Variants in MAX observed in about 807,000 individuals in gnomAD.
MAX encodes protein max.
Under a neutral mutation model 22.3 loss-of-function variants are expected in MAX, and 3 were observed. That is an observed-to-expected ratio of 0.13 (90% CI 0.06 to 0.35). The LOEUF is 0.35. Among genes scored for constraint, MAX ranks in the 10% least tolerant of loss-of-function variants. MAX has a pLI of 1.00. For missense variants in MAX, 119 were observed against 209.4 expected (o/e 0.57, Z 2.66); for synonymous variants, 72 against 77.7 (o/e 0.93, Z 0.39).
intron 3 of MAX, among the ~76,000 whole-genome samples, chr14:65,037,147 G>A (rs907544900): frequency 6.7e-6 from 1 of 149,440 alleles, no homozygotes; most frequent in Non-Finnish European, 1.5e-5. Flanking sequence ...GTTGTTACCC[G>A]GGCTGGAGTG....
In MAX at chr14:65,027,272, A is replaced by T; in HGVS notation, c.172-20988T>A. On this transcript the variant is annotated intron_variant, in intron 3 of 3. Transcript: ENST00000341653. The surrounding 1 kb of genome is among the most constrained non-coding windows in gnomAD (Gnocchi z 5.7). The stretch of plus-strand genomic sequence containing the variant: ...CAGAGGAGGGCAGACAGAAATGATG[A>T]TAGCTGGAGAGAGAATTAAGCCCTT... 5.5e-6 allele frequency: 5 copies of T among 916,102 alleles called. No homozygotes were observed. The highest frequency in any genetic ancestry group is 8.1e-6 in the Non-Finnish European group (5 of 620,426). The allele number at this position is 916,102 out of a possible 1,614,324, so 56.7% of individuals were successfully genotyped here.
At position 65,077,702 on chromosome 14, in the gene MAX, A is replaced by G. The variant is rs1408103429; in HGVS notation, c.295+211T>C. On this transcript the variant is annotated intron_variant, in intron 4 of 4. Transcript: ENST00000358664. This position sits in a 1 kb window ranked among gnomAD's most constrained non-coding sequence, Gnocchi z 6.3. ...AAAGATACAAGTCTCCAGATGTCCAACTTCCTAGCTTCCACTGTCTCCTCA... is the reference window on the plus strand; with the variant it reads ...AAAGATACAAGTCTCCAGATGTCCAGCTTCCTAGCTTCCACTGTCTCCTCA... The G allele has an allele frequency of 7.7e-6, 12 of 1,566,150 alleles. No homozygotes were observed. The highest frequency in any genetic ancestry group is 1.2e-5 in the South Asian group (1 of 86,898).
chr14:65,046,795 G>A (rs575762975), intron 3 of MAX, among the ~76,000 whole-genome samples: 34 of 152,254 alleles, frequency 2.2e-4, no homozygotes, highest in Admixed American at 3.3e-4. Context: ...TTAGTGAAGA[G>A]TTGACTACAA....
intron 3 of MAX, among the ~76,000 whole-genome samples, chr14:65,016,195 G>A (rs1022045405): frequency 6.6e-6 from 1 of 152,178 alleles, no homozygotes; most frequent in Admixed American, 6.5e-5. Context: ...TGTTACTGGT[G>A]TGGCATACAA....
upstream of MAX, chr14:65,102,627 G>GC: frequency 1.7e-6 from 2 of 1,208,884 alleles, no homozygotes; most frequent in Non-Finnish European, 1.0e-6. Flanking sequence ...CTAACAGACG[G>GC]CCCGGGTAGC....
chr14:65,090,991 T>A (rs913526283), intron 3 of MAX, among the ~76,000 whole-genome samples: 1 of 152,162 alleles, frequency 6.6e-6, no homozygotes. Context: ...ATATGACAGA[T>A]AATCCAAATG....
chr14:65,040,629 A>G (rs1387585073), intron 3 of MAX, among the ~76,000 whole-genome samples: 1 of 147,998 alleles, frequency 6.8e-6, no homozygotes, highest in Non-Finnish European at 1.5e-5. Context: ...TTTTTTGAAA[A>G]GACATTTCCA....
At chr14:65,065,378 A>G (rs1014858254) in intron 3 of MAX, among the ~76,000 whole-genome samples, 1 of 152,190 alleles carries the variant, frequency 6.6e-6, no homozygotes, top group African/African-American at 2.4e-5. Flanking sequence ...AACCTAATAC[A>G]GTCATGTCAC....
Position 65,075,389 on chromosome 14 carries a change from A to G in MAX, c.*1087T>C, listed in dbSNP as rs2063031738. ...GCCAGAACCAGGGCTGGATCACACAATGGAGACAGGTTCCAGGACAGTAGG... is the reference window on the plus strand; with the variant it reads ...GCCAGAACCAGGGCTGGATCACACAGTGGAGACAGGTTCCAGGACAGTAGG... On this transcript the variant is annotated 3_prime_UTR_variant, in exon 5 of 5. Coordinates refer to ENST00000358664, the MANE Select transcript of MAX (RefSeq NM_002382.5). The surrounding 1 kb of genome is among the most constrained non-coding windows in gnomAD (Gnocchi z 4.1). 9.4e-7 allele frequency: 1 copy of G among 1,061,588 alleles called. No individual in the cohort carries two copies. 65.8% of individuals were successfully genotyped at this position (1,061,588 alleles called of 1,614,324 possible).
At chr14:65,101,609 G>T (rs1339218980) in intron 1 of MAX, 37 bp from the exon 2 acceptor site, 7 of 1,491,716 alleles carry the variant, frequency 4.7e-6, no homozygotes, top group South Asian at 1.2e-5. Flanking sequence ...AGAAAATATA[G>T]AAGTTATTTT....
intron 3 of MAX, among the ~76,000 whole-genome samples, chr14:65,025,513 G>A (rs1256362559): frequency 6.6e-6 from 1 of 152,134 alleles, no homozygotes; most frequent in Non-Finnish European, 1.5e-5. Context: ...GAAATTAATT[G>A]CTGTTAAAAA....
In MAX at chr14:65,027,863, T is replaced by C. The variant is rs1320788205; in HGVS notation, c.172-21579A>G. ...TTAGAGATGCCAAGCCTAAGGAACA[T>C]CATGGGGAAGCTGCTGCTTTGTCCC... On this transcript the variant is annotated intron_variant, in intron 3 of 3. Transcript: ENST00000341653. This position sits in a 1 kb window ranked among gnomAD's most constrained non-coding sequence, Gnocchi z 5.7. 6 of 1,571,574 alleles carry C rather than the reference T, an allele frequency of 3.8e-6. No individual in the cohort carries two copies. Among genetic ancestry groups the C allele is most frequent in the Admixed American group, 3.5e-5 (2 of 56,346 alleles).
rs2063287879 is a variant in MAX, at chr14:65,084,884, T to C, written c.172-6848A>G. ...ATCAATAAATCCATGGATTGAACAA[T>C]AGCAGCTTTTGGGGAGAAAAAAAGG... On this transcript the variant is annotated intron_variant, in intron 3 of 4. Transcript: ENST00000358664. This position sits in a 1 kb window ranked among gnomAD's most constrained non-coding sequence, Gnocchi z 4.3. Among the ~76,000 whole-genome samples the C allele has an allele frequency of 6.6e-6, 1 of 152,174 alleles. No individual in the cohort carries two copies. Among genetic ancestry groups the C allele is most frequent in the South Asian group, 2.1e-4 (1 of 4,834 alleles).
rs565990028 is a variant in MAX, at chr14:65,032,480, G to A, written c.172-26196C>T. ...AGTTGGAGACCCAGGAGGACTGACC[G>A]TGTGCCAAGAGTGAGGACAGGAGGT... On this transcript the variant is annotated intron_variant, in intron 3 of 3. Coordinates refer to the MAX transcript ENST00000341653. This position sits in a 1 kb window ranked among gnomAD's most constrained non-coding sequence, Gnocchi z 5.0. 1.0e-5 allele frequency: 9 copies of A among 877,636 alleles called. No individual in the cohort carries two copies. Among genetic ancestry groups the A allele is most frequent in the South Asian group, 3.9e-5 (2 of 51,628 alleles). 54.4% of individuals were successfully genotyped at this position (877,636 alleles called of 1,614,324 possible).
intron 3 of MAX, among the ~76,000 whole-genome samples, chr14:65,008,459 C>G (rs915041680): frequency 6.6e-6 from 1 of 152,316 alleles, no homozygotes; most frequent in Non-Finnish European, 1.5e-5. Context: ...GGCTCTTGGT[C>G]TAGTGGGGGA....
At chr14:65,026,872 A>AC (rs1555334586) in intron 3 of MAX, among the ~76,000 whole-genome samples, 2 of 152,018 alleles carry the variant, frequency 1.3e-5, no homozygotes, top group African/African-American at 4.8e-5. Context: ...AAAAAAAAAA[A>AC]CAAAAAAACA....
In MAX at chr14:65,027,447, A is replaced by G; in HGVS notation, c.172-21163T>C. 1.9e-6 allele frequency: 3 copies of G among 1,614,062 alleles called. No homozygotes were observed. The highest frequency in any genetic ancestry group is 2.5e-6 in the Non-Finnish European group (3 of 1,179,984). ...CTTTGTTTTTGCCCTTTGGCTGTGT[A>G]CCTAGTGTGTGTCAGTTCCTGGAGC... On this transcript the variant is annotated intron_variant, in intron 3 of 3. Coordinates refer to the MAX transcript ENST00000341653. The surrounding 1 kb of genome is among the most constrained non-coding windows in gnomAD (Gnocchi z 5.7).
intron 3 of MAX, among the ~76,000 whole-genome samples, chr14:65,035,112 A>T (rs932555511): frequency 2.6e-5 from 4 of 152,162 alleles, no homozygotes; most frequent in Admixed American, 2.0e-4. Flanking sequence ...CTGTTTCTGG[A>T]TTCGTCCTCA....
At chr14:65,070,840 C>T (rs2062980604), downstream of MAX, among the ~76,000 whole-genome samples, 1 of 152,224 alleles carries the variant, frequency 6.6e-6, no homozygotes, top group South Asian at 2.1e-4. The surrounding 1 kb of genome is among the most constrained non-coding windows in gnomAD (Gnocchi z 4.4). Flanking sequence ...GTATCTGCAC[C>T]TGGCACAGTG....
Sources: gnomAD v4.1 joint callset for allele counts (sites outside exome capture counted in the v4.1 genomes callset) on GRCh38, gnomAD v4.1.1 for gene constraint, Gnocchi (gnomAD v3.1) non-coding constraint, MANE v1.5 for transcripts, NCBI Gene and HGNC (gene_info 2026-07-23, HGNC 2026-07-21) for gene names.